Variants in CDKL5 observed in about 807,000 individuals in gnomAD.
The protein encoded by CDKL5 is cyclin dependent kinase like 5.
CDKL5 carries 8 observed loss-of-function variants against 61.7 expected under a neutral mutation model. That is an observed-to-expected ratio of 0.13 (90% CI 0.08 to 0.23). CDKL5 has a LOEUF of 0.23. Ranked by LOEUF, CDKL5 falls within the 10% of genes least tolerant of loss-of-function variation. The pLI, the probability that CDKL5 is intolerant of heterozygous loss-of-function variation, is 1.00. For missense variants in CDKL5, 440 were observed against 734.5 expected (o/e 0.60, Z 4.63); for synonymous variants, 275 against 272.3 (o/e 1.01, Z -0.10).
At chrX:18,641,938 G>A (rs1202915421), downstream of CDKL5, 10 of 1,141,867 alleles carry the variant, frequency 8.8e-6, 1 homozygote, top group Non-Finnish European at 1.2e-5. Flanking sequence ...GGTGGTGTGT[G>A]AGGGGGTCCC....
At chrX:18,623,833 C>CT (rs375044523) in intron 16 of CDKL5, 32,119 of 546,070 alleles carry the variant, frequency 0.059, 11 homozygotes, top group Non-Finnish European at 0.063. Context: ...AATAAGAGCA[C>CT]TTTTTTTTTT....
At chrX:18,645,104 G>T (rs1263550324), downstream of CDKL5, among the ~76,000 whole-genome samples, 1 of 112,611 alleles carries the variant, frequency 8.9e-6, no homozygotes, top group Non-Finnish European at 1.9e-5. Flanking sequence ...ATCTAGAAGG[G>T]CTTTGACAAG....
chrX:18,606,174 T>TCACACACACACACA (rs528800542), intron 12 of CDKL5, among the ~76,000 whole-genome samples: 12 of 96,898 alleles, frequency 1.2e-4, no homozygotes, highest in African/African-American at 4.2e-4. Context: ...AGCAAGACTG[T>TCACACACACACACA]CACACACACA....
chrX:18,652,402 C>T (rs1452913790), intron 21 of CDKL5, among the ~76,000 whole-genome samples: 2 of 112,465 alleles, frequency 1.8e-5, no homozygotes, highest in Non-Finnish European at 3.8e-5. Flanking sequence ...GGTGCAGTGG[C>T]TCACGCCTGT....
chrX:18,629,466 TA>T lies in CDKL5; in HGVS notation c.*710del. The T allele has an allele frequency of 7.8e-6, 4 of 512,064 alleles. No individual in the cohort carries two copies. Among genetic ancestry groups the T allele is most frequent in the Non-Finnish European group, 9.5e-6 (4 of 419,363 alleles). 42.2% of individuals were successfully genotyped at this position (512,064 alleles called of 1,213,427 possible). ...TTTTATTCTATATATAATATATATA[TA>T]TGGTAAATATCTGTTTTATAAATAT... On this transcript the variant is annotated 3_prime_UTR_variant, in exon 18 of 18. Coordinates refer to ENST00000623535, the MANE Select transcript of CDKL5 (RefSeq NM_001323289.2).
intron 1 of CDKL5, among the ~76,000 whole-genome samples, chrX:18,464,991 G>A (rs1932369055): frequency 9.0e-6 from 1 of 111,587 alleles, no homozygotes; most frequent in Non-Finnish European, 1.9e-5. Flanking sequence ...TTTATGGTGG[G>A]TGCTTGCTGT....
At chrX:18,579,433 A>G (rs1217532166) in intron 5 of CDKL5, among the ~76,000 whole-genome samples, 1 of 110,634 alleles carries the variant, frequency 9.0e-6, no homozygotes, top group Non-Finnish European at 1.9e-5. Context: ...TGGATCTTCC[A>G]GGTGTATTTT....
intron 1 of CDKL5, among the ~76,000 whole-genome samples, chrX:18,454,973 A>G (rs748457022): frequency 1.4e-4 from 14 of 100,902 alleles, no homozygotes; most frequent in African/African-American, 5.1e-4. Context: ...GGTCACTGCA[A>G]CCTCTGCCTC....
intron 20 of CDKL5, among the ~76,000 whole-genome samples, chrX:18,649,812 G>A (rs1329014926): frequency 1.8e-5 from 2 of 112,016 alleles, no homozygotes; most frequent in Non-Finnish European, 3.8e-5. Context: ...TCCCCCACCC[G>A]CGACACCCCT....
intron 4 of CDKL5, among the ~76,000 whole-genome samples, chrX:18,566,527 C>T (rs745957117): frequency 8.9e-6 from 1 of 111,956 alleles, no homozygotes; most frequent in African/African-American, 3.2e-5. Context: ...TTCTTAGCTT[C>T]AATTATATAT....
chrX:18,618,064 G>T (rs1001121192), intron 15 of CDKL5, among the ~76,000 whole-genome samples: 6 of 112,236 alleles, frequency 5.3e-5, no homozygotes, highest in Non-Finnish European at 1.1e-4. Context: ...TCCTAGGACT[G>T]GTGTCTCAAG....
intron 3 of CDKL5, among the ~76,000 whole-genome samples, chrX:18,520,335 A>G (rs1170141010): frequency 2.7e-5 from 3 of 112,480 alleles, no homozygotes; most frequent in Middle Eastern, 4.6e-3. Context: ...TACAAATCAT[A>G]CAACATGTGA....
In CDKL5 at chrX:18,507,030, A is replaced by G; in HGVS notation, c.-67A>G. 1.2e-6 allele frequency: 1 copy of G among 832,618 alleles called. No homozygotes were observed. 68.6% of individuals were successfully genotyped at this position (832,618 alleles called of 1,213,427 possible). ...TTCAGACGGTTTTGGATCTTACTGC[A>G]CAGCTTTCTGAGAAGTTCTTTTGGT... is the stretch of plus-strand genomic sequence containing the variant. On this transcript the variant is annotated 5_prime_UTR_variant, in exon 2 of 18. Coordinates refer to ENST00000623535, the MANE Select transcript of CDKL5 (RefSeq NM_001323289.2).
chrX:18,652,981 AAC>A (rs1928114191), intron 21 of CDKL5, among the ~76,000 whole-genome samples: 1 of 112,903 alleles, frequency 8.9e-6, no homozygotes, highest in South Asian at 3.6e-4. Context: ...GATCTAAAGA[AAC>A]ACAGAATTCA....
Position 18,581,834 on chromosome X carries a change from T to C in CDKL5, c.404-57T>C, listed in dbSNP as rs572773332. Reference sequence around the variant, plus strand: ...ATGCTATTACAGTGATCTAACAGTGTCAATCAGGAGAACATAGAACATTTT... The same window carrying C: ...ATGCTATTACAGTGATCTAACAGTGCCAATCAGGAGAACATAGAACATTTT... On this transcript the variant is annotated intron_variant, in intron 6 of 17. Coordinates refer to ENST00000623535, the MANE Select transcript of CDKL5 (RefSeq NM_001323289.2). 4.4e-3 allele frequency: 3,374 copies of C among 758,949 alleles called. 12 individuals are homozygous for C. The highest frequency in any genetic ancestry group is 0.011 in the Middle Eastern group (33 of 3,104). 62.5% of individuals were successfully genotyped at this position (758,949 alleles called of 1,213,427 possible).
At chrX:18,495,559 AG>A (rs1358726325) in intron 1 of CDKL5, among the ~76,000 whole-genome samples, 1 of 111,999 alleles carries the variant, frequency 8.9e-6, no homozygotes, top group African/African-American at 3.2e-5. Context: ...GGTACCTTAG[AG>A]GGCATCTAGT....
At chrX:18,584,675 G>A (rs758362685) in intron 8 of CDKL5, among the ~76,000 whole-genome samples, 4 of 111,434 alleles carry the variant, frequency 3.6e-5, no homozygotes, top group Non-Finnish European at 7.5e-5. Flanking sequence ...AGCTGGATCA[G>A]ACCATCTCTG....
chrX:18,431,401 G>A (rs1256060368), intron 1 of CDKL5, among the ~76,000 whole-genome samples: 1 of 108,559 alleles, frequency 9.2e-6, no homozygotes, highest in Non-Finnish European at 1.9e-5. Flanking sequence ...GGACCTGTGT[G>A]TTAATTTTGT....
At position 18,639,614 on chromosome X, in the gene CDKL5, T is replaced by C. The variant is rs766013058; in HGVS notation, c.*10857T>C. On this transcript the variant is annotated 3_prime_UTR_variant, in exon 18 of 18. Transcript: ENST00000623535. The stretch of plus-strand genomic sequence containing the variant: ...AGTTCCTCCAAAGATTAAACAAGAG[T>C]GACTGTGTGTCCCAGCAGTTTTACT... Among the ~76,000 whole-genome samples, 34 of 112,157 alleles carry C rather than the reference T, an allele frequency of 3.0e-4. No homozygotes were observed. Among genetic ancestry groups the C allele is most frequent in the African/African-American group, 1.1e-3 (33 of 30,862 alleles).
Sources: gnomAD v4.1 joint callset for allele counts (sites outside exome capture counted in the v4.1 genomes callset) on GRCh38, gnomAD v4.1.1 for gene constraint, MANE v1.5 for transcripts, NCBI Gene and HGNC (gene_info 2026-07-23, HGNC 2026-07-21) for gene names.